CCDC88C: variants seen among roughly 807,000 people sequenced by gnomAD.
CCDC88C encodes protein Daple.
A neutral mutation model predicts 198.8 loss-of-function variants in CCDC88C; 131 were observed. The ratio of observed to expected loss-of-function variants is 0.66; its 90% CI spans 0.57 to 0.76. The LOEUF is 0.76. CCDC88C is among the 30% of genes least tolerant of loss of function. CCDC88C has a pLI of 0.00. For missense variants in CCDC88C, 2,553 were observed against 2,631.6 expected (o/e 0.97, Z 0.65); for synonymous variants, 1,166 against 1,114.7 (o/e 1.05, Z -0.92).
At position 91,417,723 on chromosome 14, in the gene CCDC88C, C is replaced by CGCCCCGCGTCCCCGTT; in HGVS notation, c.-49_-34dup. 2 of 1,477,648 alleles carry CGCCCCGCGTCCCCGTT rather than the reference C, an allele frequency of 1.4e-6. No homozygotes were observed. Among genetic ancestry groups the CGCCCCGCGTCCCCGTT allele is most frequent in the Non-Finnish European group, 1.8e-6 (2 of 1,113,906 alleles). The allele number at this position is 1,477,648 out of a possible 1,614,324, so 91.5% of individuals were successfully genotyped here. On this transcript the variant is annotated 5_prime_UTR_variant, in exon 1 of 30. Coordinates refer to ENST00000389857, the MANE Select transcript of CCDC88C (RefSeq NM_001080414.4). ...CTGCGCCCGCCGGCTCCGCGCCCCC[C>CGCCCCGCGTCCCCGTT]GCCCCGCGTCCCCGTTCCCCCGCGC...
chr14:91,361,576 AC>A (rs1029111942), intron 3 of CCDC88C, among the ~76,000 whole-genome samples: 2 of 151,104 alleles, frequency 1.3e-5, no homozygotes, highest in South Asian at 2.1e-4. Flanking sequence ...GAACACACCA[AC>A]CCCCCTCCAC....
At chr14:91,387,389 C>T (rs958359783) in intron 3 of CCDC88C, among the ~76,000 whole-genome samples, 7 of 152,134 alleles carry the variant, frequency 4.6e-5, no homozygotes, top group African/African-American at 1.7e-4. Context: ...CACTCCGCTG[C>T]GTCTTCTTCC....
At chr14:91,324,693 T>C in intron 12 of CCDC88C, 86 bp downstream of exon 12, 3 of 1,491,910 alleles carry the variant, frequency 2.0e-6, no homozygotes, top group Non-Finnish European at 2.7e-6. Flanking sequence ...TGGGCTAACA[T>C]GGCAGATTCA....
intron 13 of CCDC88C, among the ~76,000 whole-genome samples, chr14:91,316,412 G>A (rs925887065): frequency 2.0e-5 from 3 of 151,864 alleles, no homozygotes; most frequent in Non-Finnish European, 2.9e-5. Context: ...CTGAAATGCA[G>A]ATTCTGACTC....
chr14:91,326,367 C>T (rs909353704), intron 10 of CCDC88C, among the ~76,000 whole-genome samples: 6 of 152,166 alleles, frequency 3.9e-5, no homozygotes, highest in African/African-American at 1.2e-4. Flanking sequence ...CGCCTGCTAT[C>T]GCGCCCGGCT....
At chr14:91,302,957 A>T (rs1334277429) in intron 20 of CCDC88C, among the ~76,000 whole-genome samples, 1 of 152,202 alleles carries the variant, frequency 6.6e-6, no homozygotes, top group Non-Finnish European at 1.5e-5. Context: ...GAAATAGTAG[A>T]GGCATCCCCT....
intron 2 of CCDC88C, among the ~76,000 whole-genome samples, chr14:91,408,999 CA>C (rs1215686597): frequency 6.6e-6 from 1 of 152,162 alleles, no homozygotes. Context: ...CGCAGGCCCT[CA>C]GTCAGTGCTG....
Position 91,294,274 on chromosome 14 carries a change from G to A in CCDC88C, c.4011C>T (p.His1337=). Reference sequence around the variant, plus strand: ...TCAACAGCTGGATCTGGCTCAGGAGGTGATGATTTTCTTCCTCCAAGTTCC... The same window carrying A: ...TCAACAGCTGGATCTGGCTCAGGAGATGATGATTTTCTTCCTCCAAGTTCC... The part of the protein sequence containing the change: ...LKGNLEEENH[H]LLSQIQLLSQ... Residue 1337 remains histidine, a synonymous_variant, in exon 23 of 30, where the codon CAC becomes CAT. Transcript: ENST00000389857. The A allele has an allele frequency of 3.1e-6, 5 of 1,614,034 alleles. No individual in the cohort carries two copies. The highest frequency in any genetic ancestry group is 4.2e-6 in the Non-Finnish European group (5 of 1,179,892).
chr14:91,398,612 G>A (rs968835819), intron 3 of CCDC88C, among the ~76,000 whole-genome samples: 4 of 152,134 alleles, frequency 2.6e-5, no homozygotes, highest in East Asian at 3.8e-4. Context: ...AGCTATGATC[G>A]CGCCACTGCA....
Position 91,272,802 on chromosome 14 carries a change from C to T in CCDC88C, c.5910G>A (p.Gly1970=). 1 of 1,598,952 alleles carries T rather than the reference C, an allele frequency of 6.3e-7. No individual in the cohort carries two copies. The highest frequency in any genetic ancestry group is 8.5e-7 in the Non-Finnish European group (1 of 1,173,544). ...LSLSEGDGVP[G]QGCSEGLPAK... ...CCGGAAGCCCCTCACTGCAGCCCTG[C>T]CCCGGGACCCCGTCTCCCTCTGAGA... Residue 1970 remains glycine (G), a synonymous_variant, in exon 30 of 30, where the codon GGG becomes GGA. Coordinates refer to ENST00000389857, the MANE Select transcript of CCDC88C (RefSeq NM_001080414.4).
At chr14:91,350,278 G>A (rs1173083718) in intron 4 of CCDC88C, among the ~76,000 whole-genome samples, 5 of 151,252 alleles carry the variant, frequency 3.3e-5, no homozygotes, top group Non-Finnish European at 5.9e-5. Context: ...CTCCTGCCTC[G>A]GCCTCCCAAG....
chr14:91,415,925 C>A (rs1440410111), intron 2 of CCDC88C, among the ~76,000 whole-genome samples: 1 of 152,126 alleles, frequency 6.6e-6, no homozygotes, highest in Admixed American at 6.5e-5. Context: ...GGTGCGCACA[C>A]GAGGCTGATC....
At chr14:91,414,732 C>A (rs1278269604) in intron 2 of CCDC88C, among the ~76,000 whole-genome samples, 1 of 152,226 alleles carries the variant, frequency 6.6e-6, no homozygotes, top group Admixed American at 6.5e-5. Context: ...GTGCCCAACT[C>A]ATCCTGAGGG....
At chr14:91,351,530 A>G (rs11851964) in intron 4 of CCDC88C, among the ~76,000 whole-genome samples, 4 of 152,306 alleles carry the variant, frequency 2.6e-5, no homozygotes, top group Admixed American at 2.6e-4. Context: ...ATGCTCCATC[A>G]TATGTGTCCC....
At chr14:91,318,897 C>A (rs1195043311) in intron 13 of CCDC88C, among the ~76,000 whole-genome samples, 1 of 127,108 alleles carries the variant, frequency 7.9e-6, no homozygotes, top group Non-Finnish European at 1.6e-5. Context: ...CCAGCCTGGA[C>A]AACAGAGCGA....
intron 3 of CCDC88C, among the ~76,000 whole-genome samples, chr14:91,369,662 C>T (rs1894694804): frequency 6.6e-6 from 1 of 152,204 alleles, no homozygotes; most frequent in Admixed American, 6.5e-5. Context: ...TCCATCTGCA[C>T]AAGAGGCTCT....
In CCDC88C at chr14:91,305,876, G is replaced by A. The variant is rs778044905; in HGVS notation, c.3246C>T (p.His1082=). The A allele has an allele frequency of 6.8e-6, 11 of 1,613,824 alleles. 1 individual carries two copies. The highest frequency in any genetic ancestry group is 8.5e-6 in the Non-Finnish European group (10 of 1,179,902). Residue 1082 remains histidine, a synonymous_variant, in exon 19 of 30, where the codon CAC becomes CAT. Transcript: ENST00000389857. Reference sequence around the variant, plus strand: ...TGAAGGTCACGTTCTGGGTCTCCAGGTGCTGCAGCTGTTCCTTTAGCAGCT... The same window carrying A: ...TGAAGGTCACGTTCTGGGTCTCCAGATGCTGCAGCTGTTCCTTTAGCAGCT... The part of the protein sequence containing the change: ...EKQLLKEQLQ[H]LETQNVTFSS...
intron 3 of CCDC88C, among the ~76,000 whole-genome samples, chr14:91,404,891 G>A (rs977680860): frequency 9.9e-5 from 15 of 151,710 alleles, no homozygotes; most frequent in African/African-American, 3.6e-4. Flanking sequence ...CATGAACCCG[G>A]GAGGCAGAGC....
At chr14:91,324,996 G>A (rs1228030799) in intron 11 of CCDC88C, 73 bp from the exon 12 acceptor site, 122 of 1,576,450 alleles carry the variant, frequency 7.7e-5, no homozygotes, top group Non-Finnish European at 1.0e-4. Flanking sequence ...CTCAGCCCCT[G>A]TATAGCTACC....
Sources: gnomAD v4.1 joint callset for allele counts (sites outside exome capture counted in the v4.1 genomes callset) on GRCh38, gnomAD v4.1.1 for gene constraint, MANE v1.5 for transcripts, NCBI Gene and HGNC (gene_info 2026-07-23, HGNC 2026-07-21) for gene names.